The following CSMD3 variants were observed in gnomAD, a reference collection of about 807,000 sequenced individuals.
CSMD3 encodes CUB and Sushi multiple domains 3.
CSMD3 carries 177 observed loss-of-function variants against 435.2 expected under a neutral mutation model. That is an observed-to-expected ratio of 0.41 (90% CI 0.36 to 0.46). The LOEUF (loss-of-function observed/expected upper bound fraction) is 0.46, where lower values mean the gene tolerates loss of function less well. Among genes scored for constraint, CSMD3 ranks in the 20% least tolerant of loss-of-function variants. CSMD3 has a pLI of 0.34. For synonymous variants in CSMD3, 1,656 were observed against 1,520.5 expected (o/e 1.09, Z -2.07); for missense variants, 4,265 against 4,504.6 (o/e 0.95, Z 1.52).
At chr8:113,048,789 T>C (rs2131317560) in intron 5 of CSMD3, among the ~76,000 whole-genome samples, 1 of 152,246 alleles carries the variant, frequency 6.6e-6, no homozygotes, top group South Asian at 2.1e-4. Flanking sequence ...TCTACCTTCA[T>C]TTTTCACTTT....
intron 32 of CSMD3, among the ~76,000 whole-genome samples, chr8:112,425,549 G>A (rs1478359398): frequency 6.6e-6 from 1 of 152,044 alleles, no homozygotes; most frequent in Non-Finnish European, 1.5e-5. Flanking sequence ...TTGAGGATGA[G>A]GAAACAGGCC....
At chr8:112,373,981 T>G (rs538923160) in intron 38 of CSMD3, among the ~76,000 whole-genome samples, 93 of 152,208 alleles carry the variant, frequency 6.1e-4, no homozygotes, top group Non-Finnish European at 1.1e-3. Context: ...CAACCTGTTC[T>G]TAGCAATGCA....
chr8:112,763,400 G>A (rs1011181411), intron 13 of CSMD3, among the ~76,000 whole-genome samples: 2 of 150,552 alleles, frequency 1.3e-5, no homozygotes, highest in Non-Finnish European at 3.0e-5. Context: ...TTAGATAAAT[G>A]GATAGTAAAT....
chr8:112,385,885 T>C lies in CSMD3; in HGVS notation c.5935-2222A>G, dbSNP rs1829899960. 3.3e-5 allele frequency among the ~76,000 whole-genome samples: 5 copies of C among 151,166 alleles called. No individual in the cohort carries two copies. In the Admixed American group the frequency reaches 3.3e-4, roughly 10 times the overall value. ...GATACATGTGTCTAGTGTATATAGC[T>C]GAATAATGGCTTCTGGAGATATCAG... is the stretch of plus-strand genomic sequence containing the variant. On this transcript the variant is annotated intron_variant, in intron 36 of 70. Transcript: ENST00000297405.
intron 52 of CSMD3, among the ~76,000 whole-genome samples, chr8:112,302,459 A>G (rs1289631681): frequency 6.6e-6 from 1 of 151,994 alleles, no homozygotes; most frequent in Non-Finnish European, 1.5e-5. Flanking sequence ...AAAATATTTG[A>G]TTTTCATGAG....
intron 10 of CSMD3, among the ~76,000 whole-genome samples, chr8:112,862,323 T>C (rs1308317426): frequency 6.6e-6 from 1 of 152,046 alleles, no homozygotes; most frequent in Non-Finnish European, 1.5e-5. Context: ...AATTCTATAA[T>C]ATTAGTCTGA....
At position 113,019,080 on chromosome 8, in the gene CSMD3, A is replaced by T. The variant is rs1195072716; in HGVS notation, c.1017T>A (p.Ser339Arg). ...TDSNHRYRGF[S>R]APYQGSSTLT... ...CCATAAGTATACCTTGATAGGGAGC[A>T]CTAAATCCACGGTATCGATGATTGC... The change falls in exon 6 of 71, where the codon AGT (serine) becomes AGA (arginine). Residue 339 changes from serine (S) to arginine (R), a missense_variant. By Grantham distance (110) the Ser-to-Arg change is moderately radical. Transcript: ENST00000297405. The T allele has an allele frequency of 1.2e-6, 2 of 1,607,102 alleles. No individual in the cohort carries two copies. The highest frequency in any genetic ancestry group is 1.7e-6 in the Non-Finnish European group (2 of 1,173,612).
intron 32 of CSMD3, among the ~76,000 whole-genome samples, chr8:112,441,747 C>A (rs868006613): frequency 1.2e-4 from 18 of 152,038 alleles, no homozygotes; most frequent in African/African-American, 2.2e-4. Flanking sequence ...GGGAAAAGGC[C>A]CTTACAAAAC....
At chr8:113,361,064 T>C (rs183710846) in intron 1 of CSMD3, among the ~76,000 whole-genome samples, 1 of 152,322 alleles carries the variant, frequency 6.6e-6, no homozygotes, top group Admixed American at 6.5e-5. Context: ...TATTTTATTT[T>C]AGATGGCATC....
At chr8:113,347,271 T>A (rs1453094475) in intron 1 of CSMD3, among the ~76,000 whole-genome samples, 3 of 152,140 alleles carry the variant, frequency 2.0e-5, no homozygotes, top group Non-Finnish European at 4.4e-5. Flanking sequence ...AACAATATTT[T>A]CCCTTTTTTT....
chr8:112,534,280 G>C (rs975152660), intron 27 of CSMD3, among the ~76,000 whole-genome samples: 2 of 151,988 alleles, frequency 1.3e-5, no homozygotes, highest in Non-Finnish European at 2.9e-5. Context: ...CCACTAGCAA[G>C]ACTAATAAAG....
At chr8:112,724,658 C>A (rs1452965338) in intron 13 of CSMD3, among the ~76,000 whole-genome samples, 1 of 152,030 alleles carries the variant, frequency 6.6e-6, no homozygotes, top group Non-Finnish European at 1.5e-5. Flanking sequence ...AGAGGTCCAG[C>A]AGCATATTTG....
At chr8:113,252,622 C>T (rs1304511297) in intron 3 of CSMD3, among the ~76,000 whole-genome samples, 3 of 152,020 alleles carry the variant, frequency 2.0e-5, no homozygotes, top group Non-Finnish European at 4.4e-5. Flanking sequence ...TCTCTATGGC[C>T]TTCTCTATTA....
chr8:112,573,454 A>G, intron 24 of CSMD3, 47 bp downstream of exon 24: 1 of 1,439,458 alleles, frequency 6.9e-7, no homozygotes, highest in Non-Finnish European at 9.8e-7. Context: ...TTTAATATAC[A>G]TGCAGCACCC....
rs763936328 is a variant in CSMD3 at position 112,685,432 on chromosome 8, C to T, written c.2456G>A (p.Gly819Glu). ...GTTGTAAGTGATGTTAAAGCCACGT[C>T]CTGACATTGAGTGGTCAGCCTGAAA... ...LEFQADHSMS[G>E]RGFNITYNTF... Residue 819 changes from glycine to glutamate, a missense_variant, in exon 15 of 71, where the codon GGA becomes GAA. Gly to Glu is a moderately conservative substitution (Grantham distance 98). This residue lies in a region of CSMD3 where 279 missense variants were observed against 369.0 expected (regional missense o/e 0.76). Coordinates refer to ENST00000297405, the MANE Select transcript of CSMD3 (RefSeq NM_198123.2). 1 of 1,613,854 alleles carries T rather than the reference C, an allele frequency of 6.2e-7. No individual in the cohort carries two copies. Among genetic ancestry groups the T allele is most frequent in the Non-Finnish European group, 8.5e-7 (1 of 1,179,882 alleles).
intron 4 of CSMD3, among the ~76,000 whole-genome samples, chr8:113,110,241 A>G (rs1410055069): frequency 6.6e-6 from 1 of 152,186 alleles, no homozygotes; most frequent in Non-Finnish European, 1.5e-5. Context: ...GGACAGTTAT[A>G]CAATTTTCTA....
intron 1 of CSMD3, among the ~76,000 whole-genome samples, chr8:113,381,123 A>AT (rs1176523969): frequency 1.3e-5 from 2 of 152,128 alleles, no homozygotes; most frequent in African/African-American, 2.4e-5. Context: ...ATTTTAGAAG[A>AT]TTTTTTTCTT....
At chr8:112,828,960 C>T (rs1200529716) in intron 12 of CSMD3, among the ~76,000 whole-genome samples, 1 of 149,810 alleles carries the variant, frequency 6.7e-6, no homozygotes, top group Non-Finnish European at 1.5e-5. Context: ...TGGTTTATTA[C>T]AGGATTCTGG....
chr8:112,426,597 G>A (rs1563932213), intron 32 of CSMD3, among the ~76,000 whole-genome samples: 2 of 152,036 alleles, frequency 1.3e-5, no homozygotes, highest in Non-Finnish European at 2.9e-5. Context: ...ATTCATCTTT[G>A]AAGACTCAGC....
Sources: gnomAD v4.1 joint callset for allele counts (sites outside exome capture counted in the v4.1 genomes callset) on GRCh38, gnomAD v4.1.1 for gene constraint, gnomAD v4.1.1 regional missense constraint, MANE v1.5 for transcripts, NCBI Gene and HGNC (gene_info 2026-07-23, HGNC 2026-07-21) for gene names.